Variants in GABRA2 observed in about 807,000 individuals in gnomAD.
The protein encoded by GABRA2 is gamma-aminobutyric acid receptor subunit alpha-2.
In GABRA2, 16 loss-of-function variants were observed where a neutral mutation model predicts 48.7. The ratio of observed to expected loss-of-function variants is 0.33; its 90% CI spans 0.22 to 0.50. The LOEUF is 0.50. GABRA2 is among the 20% of genes least tolerant of loss of function. GABRA2 has a pLI of 0.98. For missense variants in GABRA2, 275 were observed against 535.6 expected, an observed-to-expected ratio of 0.51 and a Z score of 4.80; for synonymous variants, 185 against 184.5, an observed-to-expected ratio of 1.00 and a Z score of -0.02.
intron 8 of GABRA2, chr4:46,303,140 C>T: frequency 3.8e-6 from 1 of 262,598 alleles, no homozygotes; most frequent in South Asian, 5.6e-5. Flanking sequence ...AAAGAGCTAT[C>T]ATTTTTTGAG....
chr4:46,248,825 A>G lies in GABRA2; in HGVS notation c.*1483T>C, dbSNP rs1379435500. The G allele has an allele frequency of 2.0e-5, 3 of 151,488 alleles. No individual in the cohort carries two copies. The allele number at this position is 151,488 out of a possible 1,614,324, so 9.4% of individuals were successfully genotyped here. A position where few individuals can be genotyped will look rare whatever the true frequency, so the allele number is the denominator to read the frequency against. Reference sequence around the variant, plus strand: ...AAGGTGCATGTTTTAGTAAAAGTCAACTAATAACTGCTAATGTACATGTCA... The same window carrying G: ...AAGGTGCATGTTTTAGTAAAAGTCAGCTAATAACTGCTAATGTACATGTCA... On this transcript the variant is annotated 3_prime_UTR_variant, in exon 10 of 10. Coordinates refer to ENST00000381620, the MANE Select transcript of GABRA2 (RefSeq NM_000807.4).
In GABRA2 at chr4:46,256,404, A is replaced by G. The variant is rs552271956; in HGVS notation, c.1059+5522T>C. The G allele has an allele frequency of 3.2e-5, 16 of 501,696 alleles. No homozygotes were observed. The Admixed American group carries it at 5.0e-4, about 16-fold the overall frequency. 31.1% of individuals were successfully genotyped at this position (501,696 alleles called of 1,614,324 possible). ...AAGAAACATCAATATGAAATCCATT[A>G]TTGCGTTTATTGGGAAAAATTTGAC... On this transcript the variant is annotated intron_variant, in intron 9 of 9. Transcript: ENST00000381620.
At chr4:46,295,852 C>T (rs1724535329) in intron 8 of GABRA2, among the ~76,000 whole-genome samples, 1 of 152,206 alleles carries the variant, frequency 6.6e-6, no homozygotes, top group African/African-American at 2.4e-5. Flanking sequence ...ATCCTGCACG[C>T]AATGCTTCTG....
chr4:46,303,632 AG>A lies in GABRA2; in HGVS notation c.704-21del. 6.2e-7 allele frequency: 1 copy of A among 1,605,554 alleles called. No individual in the cohort carries two copies. Among genetic ancestry groups the A allele is most frequent in the Non-Finnish European group, 8.5e-7 (1 of 1,172,576 alleles). Reference sequence around the variant, plus strand: ...ATTCACCTGGAAGAAAAATTTAAGAAGCTCAAGGAGTAATAGTCAATACTTT... The same window carrying A: ...ATTCACCTGGAAGAAAAATTTAAGAACTCAAGGAGTAATAGTCAATACTTT... On this transcript the variant is annotated intron_variant, in intron 7 of 9. Coordinates refer to ENST00000381620, the MANE Select transcript of GABRA2 (RefSeq NM_000807.4).
At chr4:46,303,902 A>G (rs1223746439) in intron 7 of GABRA2, among the ~76,000 whole-genome samples, 1 of 152,216 alleles carries the variant, frequency 6.6e-6, no homozygotes, top group East Asian at 1.9e-4. Flanking sequence ...TGGATTTTTC[A>G]GATTTTGGAA....
chr4:46,388,761 C>G, intron 1 of GABRA2, 45 bp from the exon 2 acceptor site: 1 of 1,612,238 alleles, frequency 6.2e-7, no homozygotes, highest in Non-Finnish European at 8.5e-7. Context: ...CTTAAAATTG[C>G]CTTCAGTTTC....
intron 8 of GABRA2, among the ~76,000 whole-genome samples, chr4:46,282,931 A>G (rs1481494521): frequency 6.6e-6 from 1 of 152,212 alleles, no homozygotes; most frequent in African/African-American, 2.4e-5. Context: ...AGTTTTACAA[A>G]GAGATGAAAC....
At chr4:46,292,613 T>TA (rs1217660444) in intron 8 of GABRA2, among the ~76,000 whole-genome samples, 1 of 152,162 alleles carries the variant, frequency 6.6e-6, no homozygotes, top group African/African-American at 2.4e-5. Flanking sequence ...CTCAGGGAGT[T>TA]AAAAAAGGTT....
intron 1 of GABRA2, chr4:46,389,232 C>CAGTGAACT: frequency 9.1e-6 from 9 of 986,354 alleles, no homozygotes; most frequent in Non-Finnish European, 8.4e-6. Flanking sequence ...CTCTACATTA[C>CAGTGAACT]AGTGAACTGC....
At chr4:46,311,275 C>A (rs1337309961) in intron 5 of GABRA2, among the ~76,000 whole-genome samples, 1 of 152,030 alleles carries the variant, frequency 6.6e-6, no homozygotes, top group African/African-American at 2.4e-5. Flanking sequence ...GTAATGAGTC[C>A]TCAAGAAATT....
chr4:46,350,545 A>G (rs1232431546), intron 3 of GABRA2, among the ~76,000 whole-genome samples: 1 of 151,834 alleles, frequency 6.6e-6, no homozygotes, highest in African/African-American at 2.4e-5. Context: ...GCATCTATCT[A>G]TATATGTCTC....
chr4:46,390,147 C>A, upstream of GABRA2: 2 of 747,286 alleles, frequency 2.7e-6, no homozygotes, highest in Non-Finnish European at 3.3e-6. Context: ...AGGAGTCAGG[C>A]CGGGTAGGAG....
At chr4:46,305,775 G>C (rs537471675) in intron 6 of GABRA2, 64 bp from the exon 7 acceptor site, 1 of 1,184,718 alleles carries the variant, frequency 8.4e-7, no homozygotes, top group Admixed American at 1.9e-5. Flanking sequence ...AGTGCTACAC[G>C]AACGGTTGTG....
At chr4:46,369,907 A>C (rs1046772371) in intron 3 of GABRA2, among the ~76,000 whole-genome samples, 1 of 152,144 alleles carries the variant, frequency 6.6e-6, no homozygotes, top group Non-Finnish European at 1.5e-5. Context: ...CTAAAACCTA[A>C]AAATAGGAAA....
chr4:46,287,786 A>T (rs972734684), intron 8 of GABRA2, among the ~76,000 whole-genome samples: 7 of 151,460 alleles, frequency 4.6e-5, no homozygotes, highest in East Asian at 1.9e-4. Context: ...TAATAATAAT[A>T]AAAAAAAAGA....
chr4:46,299,881 C>T (rs1175651905), intron 8 of GABRA2, among the ~76,000 whole-genome samples: 4 of 151,402 alleles, frequency 2.6e-5, no homozygotes, highest in East Asian at 1.9e-4. Context: ...AGGTCTTAGA[C>T]GAGATACCTA....
intron 9 of GABRA2, among the ~76,000 whole-genome samples, chr4:46,255,516 G>C (rs558681820): frequency 6.6e-6 from 1 of 151,530 alleles, no homozygotes; most frequent in African/African-American, 2.4e-5. Flanking sequence ...GTGAAGATTT[G>C]ATTTATAAAC....
intron 8 of GABRA2, among the ~76,000 whole-genome samples, chr4:46,265,331 C>T (rs1443231189): frequency 2.1e-5 from 3 of 144,214 alleles, no homozygotes; most frequent in African/African-American, 8.0e-5. Flanking sequence ...TGAGCCACCG[C>T]GCCTTGCCAC....
intron 8 of GABRA2, among the ~76,000 whole-genome samples, chr4:46,269,190 T>A (rs1348124056): frequency 1.3e-5 from 2 of 151,908 alleles, no homozygotes; most frequent in African/African-American, 4.8e-5. Flanking sequence ...AAGAGAGTAT[T>A]TCTAATATTC....
Sources: gnomAD v4.1 joint callset for allele counts (sites outside exome capture counted in the v4.1 genomes callset) on GRCh38, gnomAD v4.1.1 for gene constraint, MANE v1.5 for transcripts, NCBI Gene and HGNC (gene_info 2026-07-23, HGNC 2026-07-21) for gene names.